The following RNF212B variants were observed in gnomAD, a reference collection of about 807,000 sequenced individuals.
RNF212B encodes the protein E3 ubiquitin-protein ligase RNF212B.
A neutral mutation model predicts 55.5 loss-of-function variants in RNF212B; 52 were observed. The observed-to-expected ratio is 0.94, with a 90% CI of 0.75 to 1.18. The LOEUF (loss-of-function observed/expected upper bound fraction) is 1.18, where lower values mean the gene tolerates loss of function less well. RNF212B is among the 50% of genes most tolerant of loss of function. RNF212B has a pLI of 0.00. For missense variants in RNF212B, 289 were observed against 350.4 expected (o/e 0.82, Z 1.40); for synonymous variants, 99 against 121.4 (o/e 0.82, Z 1.21).
chr14:23,230,667 A>AC (rs1229500802), intron 2 of RNF212B, among the ~76,000 whole-genome samples: 1 of 150,792 alleles, frequency 6.6e-6, no homozygotes, highest in African/African-American at 2.4e-5. Flanking sequence ...AAAAAAAAAA[A>AC]AAAAAAAAAA....
At chr14:23,261,231 TA>T (rs1885275165) in intron 7 of RNF212B, 1 of 308,330 alleles carries the variant, frequency 3.2e-6, no homozygotes. Context: ...CACCTTCAAA[TA>T]AGGAAGAGGA....
In RNF212B at chr14:23,187,184, T is replaced by A. The variant is rs112509370; in HGVS notation, c.-79+1694T>A. 2.6e-5 allele frequency among the ~76,000 whole-genome samples: 4 copies of A among 152,248 alleles called. 1 individual carries two copies. Among genetic ancestry groups the A allele is most frequent in the African/African-American group, 7.2e-5 (3 of 41,542 alleles). On this transcript the variant is annotated intron_variant, in intron 1 of 15. Coordinates refer to the RNF212B transcript ENST00000399910. ...AATTGATCCCTTTAACTAGGGAAAATTATGGATGAAAGGCCGTTTTCTTAC... is the reference window on the plus strand; with the variant it reads ...AATTGATCCCTTTAACTAGGGAAAAATATGGATGAAAGGCCGTTTTCTTAC...
intron 12 of RNF212B, 35 bp from the exon 13 acceptor site, chr14:23,269,827 CT>C: frequency 2.5e-6 from 3 of 1,201,560 alleles, no homozygotes; most frequent in Non-Finnish European, 3.6e-6. Context: ...TTTACCTGTC[CT>C]TTTCTCTGCT....
At chr14:23,226,795 C>A (rs1174744147) in intron 2 of RNF212B, among the ~76,000 whole-genome samples, 19 of 119,736 alleles carry the variant, frequency 1.6e-4, no homozygotes, top group Non-Finnish European at 2.5e-4. Flanking sequence ...TTTTTCCTTT[C>A]CTTCTTTCTT....
At chr14:23,262,775 GGTTTCCT>G in intron 8 of RNF212B, 64 bp downstream of exon 8, 1 of 1,489,926 alleles carries the variant, frequency 6.7e-7, no homozygotes, top group Non-Finnish European at 9.2e-7. Flanking sequence ...TGTAGAAGAT[GGTTTCCT>G]CTCAGAGACA....
chr14:23,216,580 A>AT (rs1333218008), intron 2 of RNF212B, among the ~76,000 whole-genome samples: 101 of 150,834 alleles, frequency 6.7e-4, no homozygotes, highest in African/African-American at 2.0e-3. Flanking sequence ...AAAAAAAAAA[A>AT]AATAATAAGG....
intron 14 of RNF212B, chr14:23,272,597 T>C (rs1257248193): frequency 3.6e-6 from 2 of 549,730 alleles, no homozygotes; most frequent in Non-Finnish European, 6.5e-6. Context: ...CAAATATTCA[T>C]CCTTATTATT....
At chr14:23,242,046 C>T (rs1270711798) in intron 2 of RNF212B, among the ~76,000 whole-genome samples, 7 of 129,688 alleles carry the variant, frequency 5.4e-5, no homozygotes, top group Non-Finnish European at 9.3e-5. Flanking sequence ...CGTGCCACTG[C>T]ACTCCAGCCT....
intron 2 of RNF212B, among the ~76,000 whole-genome samples, chr14:23,224,625 T>A (rs1245932533): frequency 6.6e-6 from 1 of 152,294 alleles, no homozygotes; most frequent in African/African-American, 2.4e-5. Flanking sequence ...AATAATTGAA[T>A]CTAAGACCTC....
intron 2 of RNF212B, among the ~76,000 whole-genome samples, chr14:23,201,614 A>G (rs1055950164): frequency 2.0e-5 from 3 of 152,240 alleles, no homozygotes; most frequent in African/African-American, 4.8e-5. Context: ...GGAATGTAAT[A>G]TCTTAAAGGA....
chr14:23,247,181 C>A (rs1386833938), intron 4 of RNF212B, among the ~76,000 whole-genome samples: 1 of 151,934 alleles, frequency 6.6e-6, no homozygotes. Flanking sequence ...GTATAAACAC[C>A]CCATCTACTT....
chr14:23,229,220 TTATATATATATATATATATATATATA>T (rs61656270), intron 2 of RNF212B, among the ~76,000 whole-genome samples: 33 of 65,038 alleles, frequency 5.1e-4, no homozygotes, highest in Admixed American at 5.0e-3. Flanking sequence ...GAATAATATT[TTATATATATATATATATATATATATA>T]TATATATATA....
chr14:23,270,720 C>A, intron 14 of RNF212B, 59 bp downstream of exon 14: 2 of 1,106,444 alleles, frequency 1.8e-6, no homozygotes, highest in Non-Finnish European at 1.3e-6. Flanking sequence ...TAGGCCTGCA[C>A]ACTAAATGCC....
chr14:23,271,762 T>C (rs1355243370), intron 14 of RNF212B, among the ~76,000 whole-genome samples: 1 of 152,082 alleles, frequency 6.6e-6, no homozygotes, highest in Non-Finnish European at 1.5e-5. Flanking sequence ...CTATAAACCG[T>C]CTACAAATAT....
intron 4 of RNF212B, among the ~76,000 whole-genome samples, chr14:23,251,927 C>T (rs1423622930): frequency 6.6e-6 from 1 of 152,072 alleles, no homozygotes; most frequent in Non-Finnish European, 1.5e-5. Context: ...GATGCACTAC[C>T]CTCCCAGCAC....
At chr14:23,243,710 AAAAAAAAAAGC>A (rs1883775834) in intron 3 of RNF212B, among the ~76,000 whole-genome samples, 1 of 140,488 alleles carries the variant, frequency 7.1e-6, no homozygotes, top group Admixed American at 7.0e-5. Flanking sequence ...AAAAAAAAAA[AAAAAAAAAAGC>A]AAGCAAGCAA....
chr14:23,269,104 A>C (rs1885895852), intron 12 of RNF212B, 141 bp downstream of exon 12: 1 of 641,362 alleles, frequency 1.6e-6, no homozygotes, highest in African/African-American at 1.8e-5. Context: ...CAGGAGTTTG[A>C]GACCAGTATG....
At chr14:23,258,691 A>C in intron 5 of RNF212B, 27 bp downstream of exon 5, 4 of 867,920 alleles carry the variant, frequency 4.6e-6, no homozygotes, top group Non-Finnish European at 6.6e-6. Flanking sequence ...GTCCCAAGAG[A>C]GCTTTTTTTT....
chr14:23,186,987 C>T (rs1333909865), intron 1 of RNF212B, among the ~76,000 whole-genome samples: 3 of 152,164 alleles, frequency 2.0e-5, no homozygotes, highest in Admixed American at 2.0e-4. Context: ...TCACCTTGAT[C>T]CTAACACTTA....
Sources: allele counts gnomAD v4.1 joint callset (sites outside exome capture counted in the v4.1 genomes callset), GRCh38; gene constraint gnomAD v4.1.1; transcripts MANE v1.5; gene names NCBI Gene and HGNC (gene_info 2026-07-23, HGNC 2026-07-21).